Variants in KIAA1217 observed in about 807,000 individuals in gnomAD.
KIAA1217 encodes the protein sickle tail protein homolog.
A neutral mutation model predicts 163.9 loss-of-function variants in KIAA1217; 88 were observed. That is an observed-to-expected ratio of 0.54 (90% CI 0.45 to 0.64). KIAA1217 has a LOEUF of 0.64. Ranked by LOEUF, KIAA1217 falls within the 30% of genes least tolerant of loss-of-function variation. KIAA1217 has a pLI of 0.00. For missense variants in KIAA1217, 2,372 were observed against 2,475.0 expected (o/e 0.96, Z 0.88); for synonymous variants, 903 against 923.1 (o/e 0.98, Z 0.39).
rs2075339132 is a variant in KIAA1217, at chr10:24,543,396, GAA to G, written c.4129_4130del (p.Asn1377CysfsTer4). ...ATCAAGTTCAAGTTCTCCCACTGAA[GAA>G]AATGCAGCCACTGACAATATTGCCT... is the stretch of plus-strand genomic sequence containing the variant. ...GESSSSSPTE[E>X]NAATDNIAFM... is the part of the protein sequence containing the mutation. On this transcript the variant is annotated frameshift_variant, in exon 19 of 21. Transcript: ENST00000376454. LOFTEE classifies it high-confidence loss of function. 1 of 1,614,136 alleles carries G rather than the reference GAA, an allele frequency of 6.2e-7. No homozygotes were observed. Among genetic ancestry groups the G allele is most frequent in the Non-Finnish European group, 8.5e-7 (1 of 1,180,022 alleles).
intron 2 of KIAA1217, among the ~76,000 whole-genome samples, chr10:24,055,081 A>G (rs1442822614): frequency 1.3e-5 from 2 of 152,068 alleles, no homozygotes; most frequent in Non-Finnish European, 2.9e-5. Context: ...ATCCCACAGA[A>G]CATGGCAAAA....
intron 1 of KIAA1217, among the ~76,000 whole-genome samples, chr10:23,796,780 A>T (rs1477610478): frequency 1.3e-5 from 2 of 152,146 alleles, no homozygotes; most frequent in East Asian, 1.9e-4. Flanking sequence ...CTTACACAGG[A>T]ACCCATCACT....
chr10:24,196,751 C>T (rs1003085209), intron 2 of KIAA1217, among the ~76,000 whole-genome samples: 2 of 152,164 alleles, frequency 1.3e-5, no homozygotes, highest in Non-Finnish European at 2.9e-5. Flanking sequence ...GGTGAAGGTC[C>T]AGGCATATCT....
intron 1 of KIAA1217, among the ~76,000 whole-genome samples, chr10:24,209,908 C>G (rs1466290455): frequency 6.6e-6 from 1 of 151,936 alleles, no homozygotes; most frequent in African/African-American, 2.4e-5. Flanking sequence ...ATAGACTTGT[C>G]TTTTCCGTAG....
At chr10:23,871,057 C>A (rs934241326) in intron 1 of KIAA1217, among the ~76,000 whole-genome samples, 3 of 150,872 alleles carry the variant, frequency 2.0e-5, no homozygotes, top group African/African-American at 7.3e-5. Flanking sequence ...TTCCTCCGTC[C>A]TTTCACATAT....
chr10:24,184,702 A>G (rs1306307266), intron 2 of KIAA1217, among the ~76,000 whole-genome samples: 2 of 152,186 alleles, frequency 1.3e-5, no homozygotes, highest in African/African-American at 4.8e-5. Context: ...GCTAGGAGAA[A>G]CAGAAAAGCT....
rs1204028542 is a variant in KIAA1217, at chr10:24,515,915, T to C, written c.2177+2481T>C. Reference sequence around the variant, plus strand: ...AGCAGGACCCTGTCTCTACTAAAAATAAAAAATTAGCCAGCTGTGGTGGCA... The same window carrying C: ...AGCAGGACCCTGTCTCTACTAAAAACAAAAAATTAGCCAGCTGTGGTGGCA... On this transcript the variant is annotated intron_variant, in intron 10 of 20. Coordinates refer to ENST00000376454, the MANE Select transcript of KIAA1217 (RefSeq NM_019590.5). Among the ~76,000 whole-genome samples the C allele has an allele frequency of 2.6e-5, 4 of 152,114 alleles. No individual in the cohort carries two copies. In the East Asian group the frequency reaches 7.7e-4, roughly 29 times the overall value.
chr10:23,992,149 T>C (rs1846245201), intron 1 of KIAA1217, among the ~76,000 whole-genome samples: 1 of 152,230 alleles, frequency 6.6e-6, no homozygotes, highest in Admixed American at 6.5e-5. Flanking sequence ...ACTAGAGTGC[T>C]TTGGATTTTG....
intron 1 of KIAA1217, among the ~76,000 whole-genome samples, chr10:23,725,718 C>T (rs989354452): frequency 2.0e-5 from 3 of 152,194 alleles, no homozygotes; most frequent in African/African-American, 7.2e-5. Flanking sequence ...TGCTTACATG[C>T]ATGGCTTGTT....
At chr10:23,978,680 A>C (rs1436551085) in intron 1 of KIAA1217, among the ~76,000 whole-genome samples, 1 of 152,142 alleles carries the variant, frequency 6.6e-6, no homozygotes, top group Non-Finnish European at 1.5e-5. Flanking sequence ...CAATCTTTAT[A>C]TATATAATGT....
intron 2 of KIAA1217, among the ~76,000 whole-genome samples, chr10:24,248,670 CAAAAAAAAAAA>C (rs929995548): frequency 5.5e-5 from 2 of 36,476 alleles, no homozygotes; most frequent in African/African-American, 1.1e-4. Context: ...GACTCCATCT[CAAAAAAAAAAA>C]AAAAAAAAAA....
At chr10:24,399,169 T>G (rs745638173) in intron 3 of KIAA1217, among the ~76,000 whole-genome samples, 2 of 152,232 alleles carry the variant, frequency 1.3e-5, no homozygotes, top group Non-Finnish European at 2.9e-5. Flanking sequence ...CTTAATACAC[T>G]GCCTGATATA....
intron 2 of KIAA1217, among the ~76,000 whole-genome samples, chr10:24,146,955 G>A (rs908199703): frequency 3.5e-5 from 5 of 142,322 alleles, no homozygotes; most frequent in African/African-American, 1.3e-4. Context: ...TGTGTTACTC[G>A]CACATTTCCG....
chr10:23,898,029 G>C (rs1841781150), intron 1 of KIAA1217, among the ~76,000 whole-genome samples: 1 of 151,956 alleles, frequency 6.6e-6, no homozygotes, highest in African/African-American at 2.4e-5. Flanking sequence ...AGGAGAGAAA[G>C]TGCCAGAGCA....
At chr10:24,537,588 A>T (rs570019781) in intron 17 of KIAA1217, among the ~76,000 whole-genome samples, 165 of 152,110 alleles carry the variant, frequency 1.1e-3, no homozygotes, top group African/African-American at 3.8e-3. Context: ...AAAAAAAAAA[A>T]AAAAGTAAAA....
chr10:24,318,956 C>T lies in KIAA1217; in HGVS notation c.355-61913C>T, dbSNP rs189351599. 2.7e-3 allele frequency among the ~76,000 whole-genome samples: 415 copies of T among 152,322 alleles called. 5 individuals are homozygous for T. The highest frequency in any genetic ancestry group is 0.025 in the Admixed American group (390 of 15,296). On this transcript the variant is annotated intron_variant, in intron 2 of 20. Coordinates refer to ENST00000376454, the MANE Select transcript of KIAA1217 (RefSeq NM_019590.5). ...GCATCCCATCCAGGACACCTGGGTG[C>T]ACGGTTTGGGAGCTGCAGGTAGAGT...
At chr10:24,022,935 A>T (rs1159156476) in intron 2 of KIAA1217, among the ~76,000 whole-genome samples, 2 of 151,622 alleles carry the variant, frequency 1.3e-5, no homozygotes, top group Non-Finnish European at 3.0e-5. Context: ...TGAAAAAAAA[A>T]AAAGGATATC....
At chr10:23,703,771 G>A (rs903101590) in intron 1 of KIAA1217, among the ~76,000 whole-genome samples, 1 of 150,468 alleles carries the variant, frequency 6.6e-6, no homozygotes, top group Non-Finnish European at 1.5e-5. Flanking sequence ...GAAAATAAAA[G>A]GTATAGATCA....
intron 17 of KIAA1217, among the ~76,000 whole-genome samples, chr10:24,541,410 A>G (rs1040312093): frequency 9.9e-5 from 15 of 151,958 alleles, no homozygotes; most frequent in African/African-American, 2.9e-4. Context: ...CGTGTGATTA[A>G]TTCTGACTGC....
Sources: gnomAD v4.1 joint callset for allele counts (sites outside exome capture counted in the v4.1 genomes callset) on GRCh38, gnomAD v4.1.1 for gene constraint, MANE v1.5 for transcripts, NCBI Gene and HGNC (gene_info 2026-07-23, HGNC 2026-07-21) for gene names.